Variants in NEMF observed in about 807,000 individuals in gnomAD.
The protein encoded by NEMF is ribosome quality control complex subunit NEMF.
In NEMF, 89 loss-of-function variants were observed where a neutral mutation model predicts 162.2. The ratio of observed to expected loss-of-function variants is 0.55; its 90% CI spans 0.46 to 0.65. NEMF has a LOEUF of 0.65. Among genes scored for constraint, NEMF ranks in the 30% least tolerant of loss-of-function variants. The pLI, the probability that NEMF is intolerant of heterozygous loss-of-function variation, is 0.00. For synonymous variants in NEMF, 421 were observed against 404.5 expected, an observed-to-expected ratio of 1.04 and a Z score of -0.49; for missense variants, 1,133 against 1,261.9, an observed-to-expected ratio of 0.90 and a Z score of 1.55.
At chr14:49,822,270 A>G (rs1189949264) in intron 16 of NEMF, among the ~76,000 whole-genome samples, 1 of 150,972 alleles carries the variant, frequency 6.6e-6, no homozygotes, top group Non-Finnish European at 1.5e-5. Context: ...TGCGAGAAAC[A>G]CCCAAGAATG....
chr14:49,794,613 T>G (rs1040692687), intron 26 of NEMF, among the ~76,000 whole-genome samples: 1 of 141,396 alleles, frequency 7.1e-6, no homozygotes, highest in African/African-American at 2.7e-5. Context: ...AGCAAGACCC[T>G]GTCTCTAAAA....
At chr14:49,825,776 G>C (rs778092091) in intron 16 of NEMF, 91 bp downstream of exon 16, 1 of 826,104 alleles carries the variant, frequency 1.2e-6, no homozygotes, top group Non-Finnish European at 1.9e-6. Flanking sequence ...TTTGTAACAA[G>C]CTTTGTAGAA....
intron 25 of NEMF, 145 bp downstream of exon 25, chr14:49,799,330 T>C (rs1890846850): frequency 3.1e-6 from 2 of 635,238 alleles, no homozygotes; most frequent in South Asian, 4.4e-5. Flanking sequence ...TAGAGCTTAA[T>C]ATTAAAAACT....
intron 23 of NEMF, 77 bp downstream of exon 23, chr14:49,800,343 G>A (rs1021650105): frequency 9.4e-7 from 1 of 1,068,572 alleles, no homozygotes; most frequent in Admixed American, 2.6e-5. Context: ...GTCAATCTTG[G>A]TATTATCTTT....
chr14:49,799,581 T>C (rs1266930398), intron 24 of NEMF, 55 bp downstream of exon 24: 13 of 1,595,418 alleles, frequency 8.1e-6, no homozygotes, highest in Non-Finnish European at 1.0e-5. Context: ...TTTTGAAAAG[T>C]AGAAAATTAT....
At chr14:49,798,248 A>G (rs910217756) in intron 25 of NEMF, among the ~76,000 whole-genome samples, 1 of 152,262 alleles carries the variant, frequency 6.6e-6, no homozygotes, top group Non-Finnish European at 1.5e-5. Context: ...TGTTTAATGA[A>G]TGTGCCACAT....
At chr14:49,837,245 C>T (rs551640336) in intron 6 of NEMF, among the ~76,000 whole-genome samples, 12 of 152,208 alleles carry the variant, frequency 7.9e-5, no homozygotes, top group Non-Finnish European at 1.5e-4. Context: ...CACTGCACTC[C>T]AGCCTGGTGA....
chr14:49,837,324 A>T (rs1892953593), intron 6 of NEMF, among the ~76,000 whole-genome samples: 1 of 152,032 alleles, frequency 6.6e-6, no homozygotes, highest in Non-Finnish European at 1.5e-5. Flanking sequence ...GTAATGTTCA[A>T]CCTGTACTAC....
At chr14:49,815,557 A>G (rs1178455070) in intron 16 of NEMF, among the ~76,000 whole-genome samples, 1 of 152,216 alleles carries the variant, frequency 6.6e-6, no homozygotes, top group African/African-American at 2.4e-5. Context: ...TAGACTAAGC[A>G]CAGATACTTA....
chr14:49,793,031 C>T (rs1041454865), intron 26 of NEMF, among the ~76,000 whole-genome samples: 18 of 152,150 alleles, frequency 1.2e-4, no homozygotes, highest in African/African-American at 2.4e-5. Flanking sequence ...CATTCAGTAA[C>T]ATTTAACTCA....
chr14:49,797,864 A>G (rs1426073388), intron 25 of NEMF, among the ~76,000 whole-genome samples: 2 of 152,228 alleles, frequency 1.3e-5, no homozygotes, highest in Non-Finnish European at 2.9e-5. Flanking sequence ...AACAAAATTG[A>G]TTCCTGGCCA....
intron 4 of NEMF, among the ~76,000 whole-genome samples, chr14:49,842,472 C>T (rs796726881): frequency 3.3e-5 from 5 of 152,176 alleles, no homozygotes; most frequent in South Asian, 2.1e-4. Flanking sequence ...TACCACCTTC[C>T]AAATTTATTA....
intron 16 of NEMF, among the ~76,000 whole-genome samples, chr14:49,817,520 A>T (rs1202465323): frequency 6.6e-6 from 1 of 152,178 alleles, no homozygotes; most frequent in African/African-American, 2.4e-5. Context: ...TACACCTGAC[A>T]AACAAGGAAA....
At chr14:49,838,292 A>AGTTCACCTGATCT in intron 5 of NEMF, 86 bp from the exon 6 acceptor site, 1 of 1,015,164 alleles carries the variant, frequency 9.9e-7, no homozygotes, top group Non-Finnish European at 1.5e-6. Flanking sequence ...CATCTGTATC[A>AGTTCACCTGATCT]GTTCACCTGA....
chr14:49,805,442 C>G (rs964984450), intron 19 of NEMF, among the ~76,000 whole-genome samples: 1 of 151,858 alleles, frequency 6.6e-6, no homozygotes, highest in African/African-American at 2.4e-5. Flanking sequence ...GCAAGAGGAC[C>G]ACTTAAGGTC....
At chr14:49,818,491 C>G (rs1891833587) in intron 16 of NEMF, 1 of 152,148 alleles carries the variant, frequency 6.6e-6, no homozygotes, top group Non-Finnish European at 1.5e-5. Flanking sequence ...AATGGCAGCA[C>G]AAACACTTAA....
At chr14:49,799,334 A>G (rs1890847139) in intron 25 of NEMF, 141 bp downstream of exon 25, 1 of 702,214 alleles carries the variant, frequency 1.4e-6, no homozygotes, top group Non-Finnish European at 2.3e-6. Context: ...GCTTAATATT[A>G]AAAACTAAAC....
intron 26 of NEMF, among the ~76,000 whole-genome samples, chr14:49,792,056 T>C (rs1271362009): frequency 6.6e-6 from 1 of 151,388 alleles, no homozygotes; most frequent in East Asian, 2.0e-4. Context: ...GATGGGAGGA[T>C]TGCTTGAGCC....
intron 16 of NEMF, among the ~76,000 whole-genome samples, chr14:49,819,328 T>C (rs755565600): frequency 2.6e-5 from 4 of 152,086 alleles, no homozygotes; most frequent in Non-Finnish European, 5.9e-5. Flanking sequence ...ATGATGCATA[T>C]GTTAATGTGC....
Sources: gnomAD v4.1 joint callset for allele counts (sites outside exome capture counted in the v4.1 genomes callset) on GRCh38, gnomAD v4.1.1 for gene constraint, MANE v1.5 for transcripts, NCBI Gene and HGNC (gene_info 2026-07-23, HGNC 2026-07-21) for gene names.